Variants in TMEM100 observed in about 807,000 individuals in gnomAD.
TMEM100 encodes transmembrane protein 100.
For synonymous variants in TMEM100, 61 were observed against 67.1 expected (o/e 0.91, Z 0.44); for missense variants, 137 against 168.2 (o/e 0.81, Z 1.02).
upstream of TMEM100, among the ~76,000 whole-genome samples, chr17:55,725,578 A>C: frequency 6.6e-6 from 1 of 152,174 alleles, no homozygotes; most frequent in Non-Finnish European, 1.5e-5. Flanking sequence ...TAGGGACCGT[A>C]AACAAAGTAC....
At chr17:55,731,814 T>C (rs1309309754) in exon 1 of TMEM100, 1 of 152,214 alleles carries the variant, frequency 6.6e-6, no homozygotes, top group African/African-American at 2.4e-5. Context: ...TCACTCCTTC[T>C]TACCCAAAGC....
exon 1 of TMEM100, chr17:55,731,913 T>C (rs932011682): frequency 2.0e-5 from 3 of 152,250 alleles, no homozygotes; most frequent in African/African-American, 7.2e-5. Flanking sequence ...GAACTCACAC[T>C]TGTGGAGCCT....
intron 1 of TMEM100, among the ~76,000 whole-genome samples, chr17:55,728,793 G>GGT (rs941562985): frequency 5.3e-5 from 8 of 152,182 alleles, no homozygotes; most frequent in Admixed American, 3.9e-4. Flanking sequence ...CAGGCCCAGG[G>GGT]GTGTGTGTGT....
At chr17:55,727,651 A>C (rs999489370), upstream of TMEM100, 1 of 152,184 alleles carries the variant, frequency 6.6e-6, no homozygotes, top group Non-Finnish European at 1.5e-5. Flanking sequence ...ATCGCTGTAC[A>C]ATTTCTAGGC....
In TMEM100 at chr17:55,719,836, C is replaced by T. The variant is rs886105652; in HGVS notation, c.*830G>A. On this transcript the variant is annotated 3_prime_UTR_variant, in exon 2 of 2. Coordinates refer to ENST00000424486, the MANE Select transcript of TMEM100 (RefSeq NM_018286.3). ...CATTTGAGAGAAATACAATTGAGAA[C>T]TTGCAAATGAGACAAGGGAAGATGG... 1 of 152,540 alleles carries T rather than the reference C, an allele frequency of 6.6e-6. No individual in the cohort carries two copies. The highest frequency in any genetic ancestry group is 6.6e-5 in the Admixed American group (1 of 15,266). 9.4% of individuals were successfully genotyped at this position (152,540 alleles called of 1,614,324 possible).
chr17:55,727,006 G>A (rs953651707), upstream of TMEM100, among the ~76,000 whole-genome samples: 1 of 152,100 alleles, frequency 6.6e-6, no homozygotes, highest in African/African-American at 2.4e-5. Flanking sequence ...AGATCCATTT[G>A]AATATAGAAA....
intron 1 of TMEM100, among the ~76,000 whole-genome samples, chr17:55,731,393 G>C (rs148516474): frequency 6.6e-6 from 1 of 152,018 alleles, no homozygotes; most frequent in Non-Finnish European, 1.5e-5. Flanking sequence ...ACTGAAAGTC[G>C]AGAAACTTGA....
intron 1 of TMEM100, among the ~76,000 whole-genome samples, chr17:55,729,298 A>G (rs1442238211): frequency 1.3e-5 from 2 of 152,240 alleles, no homozygotes; most frequent in African/African-American, 4.8e-5. Context: ...GCAATGGTAG[A>G]ATCAGCAAAA....
chr17:55,727,316 G>A (rs985705875), upstream of TMEM100, among the ~76,000 whole-genome samples: 21 of 152,194 alleles, frequency 1.4e-4, no homozygotes, highest in Non-Finnish European at 2.9e-5. Context: ...CCCGAAGTTC[G>A]AGAGTTACCT....
At chr17:55,728,447 T>G (rs1357768902) in intron 1 of TMEM100, among the ~76,000 whole-genome samples, 1 of 152,162 alleles carries the variant, frequency 6.6e-6, no homozygotes, top group Non-Finnish European at 1.5e-5. Context: ...AGAGCTGCAT[T>G]ACTAAGCAGA....
chr17:55,720,733 C>T lies in TMEM100; in HGVS notation c.338G>A (p.Ser113Asn), dbSNP rs758632617. 12 of 1,614,142 alleles carry T rather than the reference C, an allele frequency of 7.4e-6. No homozygotes were observed. Among genetic ancestry groups the T allele is most frequent in the Non-Finnish European group, 8.5e-6 (10 of 1,180,016 alleles). The change falls in exon 2 of 2, where the codon AGC becomes AAC. Residue 113 changes from serine to asparagine, a missense_variant. Transcript: ENST00000424486. ...SALCWKVRQR[S>N]KKAKRRESQT... ...ACTCTCCCGTCTCTTGGCTTTCTTG[C>T]TCCTTTGTCTCACTTTCCAGCACAA...
At chr17:55,730,010 A>T (rs1476986398) in intron 1 of TMEM100, among the ~76,000 whole-genome samples, 1 of 152,192 alleles carries the variant, frequency 6.6e-6, no homozygotes, top group East Asian at 1.9e-4. Context: ...CTTACTAAGA[A>T]CTAATTTTAT....
At chr17:55,729,750 T>C (rs932477602) in intron 1 of TMEM100, among the ~76,000 whole-genome samples, 4 of 152,242 alleles carry the variant, frequency 2.6e-5, no homozygotes, top group East Asian at 1.9e-4. Context: ...TTTGAGACTT[T>C]ATTTTTACTG....
chr17:55,726,895 TAGAG>T (rs1909088955), upstream of TMEM100, among the ~76,000 whole-genome samples: 1 of 152,192 alleles, frequency 6.6e-6, no homozygotes, highest in Admixed American at 6.5e-5. Context: ...GGACATTAAA[TAGAG>T]AGATCTGATA....
upstream of TMEM100, among the ~76,000 whole-genome samples, chr17:55,726,314 G>C (rs571206558): frequency 1.3e-5 from 2 of 152,222 alleles, no homozygotes; most frequent in East Asian, 3.9e-4. Context: ...TTACTTAGGG[G>C]AGAGGGGTCT....
At chr17:55,721,445 A>T (rs1908885275) in intron 1 of TMEM100, 1 of 185,572 alleles carries the variant, frequency 5.4e-6, no homozygotes, top group Admixed American at 5.3e-5. Context: ...ATACACAGAA[A>T]TGCCTGAATC....
upstream of TMEM100, among the ~76,000 whole-genome samples, chr17:55,724,572 T>A (rs1387040792): frequency 6.6e-6 from 1 of 152,142 alleles, no homozygotes; most frequent in Non-Finnish European, 1.5e-5. Context: ...CAATGGAGGT[T>A]CTTGAGAAGC....
Position 55,720,774 on chromosome 17 carries a change from TA to T in TMEM100, c.296del (p.Leu99TyrfsTer2), listed in dbSNP as rs894486999. The T allele has an allele frequency of 6.2e-7, 1 of 1,613,984 alleles. No individual in the cohort carries two copies. The highest frequency in any genetic ancestry group is 1.3e-5 in the African/African-American group (1 of 74,896). On this transcript the variant is annotated frameshift_variant, in exon 2 of 2. Transcript: ENST00000424486. LOFTEE classifies it high-confidence loss of function. ...TCCAGCACAAGGCACTGGAGGCTAG[TA>T]AAAAAAGTCCAGATGACAGAACAAC... is the stretch of plus-strand genomic sequence containing the variant. ...GLVVLSSGLF[L>X]LASSALCWKV...
At chr17:55,722,461 C>T (rs539723110) in intron 1 of TMEM100, 158 bp downstream of exon 1, 1 of 152,318 alleles carries the variant, frequency 6.6e-6, no homozygotes, top group Admixed American at 6.5e-5. Context: ...TTTTTAATCA[C>T]CAAACTAATT....
Sources: allele counts gnomAD v4.1 joint callset (sites outside exome capture counted in the v4.1 genomes callset), GRCh38; gene constraint gnomAD v4.1.1; transcripts MANE v1.5; gene names NCBI Gene and HGNC (gene_info 2026-07-23, HGNC 2026-07-21).